The following OAS1 variants were observed in gnomAD, a reference collection of about 807,000 sequenced individuals.
OAS1 encodes the protein 2'-5'-oligoadenylate synthetase 1, also known as 2'-5'-oligoadenylate synthase 1.
A neutral mutation model predicts 38.5 loss-of-function variants in OAS1; 24 were observed. That is an observed-to-expected ratio of 0.62 (90% CI 0.45 to 0.88). The LOEUF (loss-of-function observed/expected upper bound fraction) is 0.88. OAS1 is among the 40% of genes least tolerant of loss of function. OAS1 has a pLI of 0.00. For missense variants in OAS1, 482 were observed against 493.9 expected, an observed-to-expected ratio of 0.98 and a Z score of 0.23; for synonymous variants, 169 against 193.9, an observed-to-expected ratio of 0.87 and a Z score of 1.07.
intron 2 of OAS1, among the ~76,000 whole-genome samples, chr12:112,909,745 T>C (rs1211948110): frequency 6.6e-6 from 1 of 152,182 alleles, no homozygotes; most frequent in Non-Finnish European, 1.5e-5. Flanking sequence ...CACAGTGAAC[T>C]CACAGAGGGA....
intron 6 of OAS1, among the ~76,000 whole-genome samples, chr12:112,931,567 A>G (rs1164911427): frequency 6.6e-6 from 1 of 152,258 alleles, no homozygotes; most frequent in Non-Finnish European, 1.5e-5. Flanking sequence ...ATGATGAGGA[A>G]ACAGGCTCAG....
rs764229847 is a variant in OAS1, at chr12:112,910,918, C to T, written c.470-133C>T. 31 of 782,874 alleles carry T rather than the reference C, an allele frequency of 4.0e-5. 1 individual carries two copies. The Admixed American group carries it at 5.8e-4, about 15-fold the overall frequency. The allele number at this position is 782,874 out of a possible 1,614,324, so 48.5% of individuals were successfully genotyped here. A position where few individuals can be genotyped will look rare whatever the true frequency, so the allele number is the denominator to read the frequency against. ...GCAGGAGGGAGGATCAGGAATGGAC[C>T]TCAAGACTTCCCAGCCCTGGGTCTG... On this transcript the variant is annotated intron_variant, in intron 2 of 5. Transcript: ENST00000202917.
In OAS1 at chr12:112,916,936, A is replaced by T. The variant is rs561774048; in HGVS notation, c.884+198A>T. 5 of 564,928 alleles carry T rather than the reference A, an allele frequency of 8.9e-6. No homozygotes were observed. The South Asian group carries it at 1.0e-4, about 12-fold the overall frequency. The allele number at this position is 564,928 out of a possible 1,614,324, so 35.0% of individuals were successfully genotyped here. A position where few individuals can be genotyped will look rare whatever the true frequency, so the allele number is the denominator to read the frequency against. The stretch of plus-strand genomic sequence containing the variant: ...AACCCTGTGAGGCAGGCACTATGCC[A>T]ATTATTTTACAGGTGAGTAAACTGA... On this transcript the variant is annotated intron_variant, in intron 4 of 5. Coordinates refer to ENST00000202917, the MANE Select transcript of OAS1 (RefSeq NM_016816.4).
rs781743945 is a variant in OAS1 at position 112,916,696 on chromosome 12, C to T, written c.842C>T (p.Pro281Leu). Reference sequence around the variant, plus strand: ...ACAAAGTATTATGACTTTAAAAACCCCATTATTGAAAAGTACCTGAGAAGG... The same window carrying T: ...ACAAAGTATTATGACTTTAAAAACCTCATTATTGAAAAGTACCTGAGAAGG... ...YWTKYYDFKN[P>L]IIEKYLRRQL... Residue 281 changes from proline (P) to leucine (L), a missense_variant, in exon 4 of 6, where the codon CCC (proline) becomes CTC (leucine). Transcript: ENST00000202917. The T allele has an allele frequency of 2.5e-6, 4 of 1,613,966 alleles. No homozygotes were observed. Among genetic ancestry groups the T allele is most frequent in the African/African-American group, 2.7e-5 (2 of 74,870 alleles).
In OAS1 at chr12:112,917,730, C is replaced by T. The variant is rs199895354; in HGVS notation, c.1038+30C>T. The stretch of plus-strand genomic sequence containing the variant: ...GACCTCCTGCTTCCTCCCTGCCATT[C>T]ATCCCTGCCCCTCTCCATGAAGCTT... On this transcript the variant is annotated intron_variant, in intron 5 of 5. Transcript: ENST00000202917. 1.9e-6 allele frequency: 3 copies of T among 1,614,204 alleles called. No homozygotes were observed. In the East Asian group the frequency reaches 6.7e-5, roughly 36 times the overall value.
chr12:112,926,756 G>A (rs2043560914), intron 6 of OAS1, among the ~76,000 whole-genome samples: 1 of 152,176 alleles, frequency 6.6e-6, no homozygotes, highest in African/African-American at 2.4e-5. Context: ...CAGAGAACCA[G>A]TCTGACTAGA....
At position 112,919,868 on chromosome 12, in the gene OAS1, G is replaced by A; in HGVS notation, c.*315G>A. 1 of 809,002 alleles carries A rather than the reference G, an allele frequency of 1.2e-6. No individual in the cohort carries two copies. The highest frequency in any genetic ancestry group is 1.9e-6 in the Non-Finnish European group (1 of 534,956). 50.1% of individuals were successfully genotyped at this position (809,002 alleles called of 1,614,324 possible). ...ACCTGATGGGAGGGTAATGTCTAATGTATTATCAATAACAATAAAAATAAA... is the reference window on the plus strand; with the variant it reads ...ACCTGATGGGAGGGTAATGTCTAATATATTATCAATAACAATAAAAATAAA... On this transcript the variant is annotated 3_prime_UTR_variant, in exon 6 of 6. Transcript: ENST00000202917.
Position 112,907,221 on chromosome 12 carries a change from T to C in OAS1, c.180+2T>C, listed in dbSNP as rs1275991667. 14 of 1,613,560 alleles carry C rather than the reference T, an allele frequency of 8.7e-6. No homozygotes were observed. Among genetic ancestry groups the C allele is most frequent in the Non-Finnish European group, 1.2e-5 (14 of 1,179,834 alleles). The stretch of plus-strand genomic sequence containing the variant: ...GTGTGTGTGTCCAAGGTGGTAAAGG[T>C]GAGTCCAGGCCTGCCTGGCCAGGGG... On this transcript the variant is annotated splice_donor_variant, in intron 1 of 5. Coordinates refer to ENST00000202917, the MANE Select transcript of OAS1 (RefSeq NM_016816.4). LOFTEE classifies it high-confidence loss of function.
At position 112,919,830 on chromosome 12, in the gene OAS1, C is replaced by A; in HGVS notation, c.*277C>A. The A allele has an allele frequency of 4.1e-6, 5 of 1,219,642 alleles. No individual in the cohort carries two copies. The highest frequency in any genetic ancestry group is 5.5e-6 in the Non-Finnish European group (5 of 901,564). 75.6% of individuals were successfully genotyped at this position (1,219,642 alleles called of 1,614,324 possible). ...TAAGAGAATGAAATTCCAGCCTTGA[C>A]TTTCTTCTGTGCACCTGATGGGAGG... On this transcript the variant is annotated 3_prime_UTR_variant, in exon 6 of 6. Transcript: ENST00000202917.
rs1464760136 is a variant in OAS1, at chr12:112,906,994, C to A, written c.-46C>A. On this transcript the variant is annotated 5_prime_UTR_variant, in exon 1 of 6. Coordinates refer to ENST00000202917, the MANE Select transcript of OAS1 (RefSeq NM_016816.4). ...GCTCAGTCAGCAGAAGAGATAAAAG[C>A]AAACAGGTCTGGGAGGCAGTTCTGT... 2 of 1,602,046 alleles carry A rather than the reference C, an allele frequency of 1.2e-6. No homozygotes were observed. The highest frequency in any genetic ancestry group is 8.5e-7 in the Non-Finnish European group (1 of 1,169,968).
At chr12:112,926,456 A>G (rs1485331535) in intron 6 of OAS1, among the ~76,000 whole-genome samples, 2 of 152,184 alleles carry the variant, frequency 1.3e-5, no homozygotes, top group African/African-American at 2.4e-5. Context: ...AGTACAAAAG[A>G]GATAAATTTT....
Position 112,916,958 on chromosome 12 carries a change from C to G in OAS1, c.884+220C>G, listed in dbSNP as rs889153214. The G allele has an allele frequency of 3.6e-5, 19 of 534,218 alleles. No homozygotes were observed. In the South Asian group the frequency reaches 4.2e-4, roughly 12 times the overall value. 33.1% of individuals were successfully genotyped at this position (534,218 alleles called of 1,614,324 possible). On this transcript the variant is annotated intron_variant, in intron 4 of 5. Transcript: ENST00000202917. ...GCCAATTATTTTACAGGTGAGTAAACTGAGGTTCTGAGAGGTAAGGAGCTT... is the reference window on the plus strand; with the variant it reads ...GCCAATTATTTTACAGGTGAGTAAAGTGAGGTTCTGAGAGGTAAGGAGCTT...
At chr12:112,909,749 A>G (rs899037077) in intron 2 of OAS1, among the ~76,000 whole-genome samples, 4 of 152,246 alleles carry the variant, frequency 2.6e-5, no homozygotes, top group African/African-American at 9.6e-5. Context: ...GTGAACTCAC[A>G]GAGGGACACG....
downstream of OAS1, among the ~76,000 whole-genome samples, chr12:112,920,818 C>A (rs565235960): frequency 1.3e-5 from 2 of 152,200 alleles, no homozygotes; most frequent in South Asian, 2.1e-4. Flanking sequence ...TTAGTCCCCC[C>A]ACATCCCTGT....
intron 6 of OAS1, among the ~76,000 whole-genome samples, chr12:112,929,256 C>T (rs1421264203): frequency 6.6e-6 from 1 of 152,186 alleles, no homozygotes; most frequent in Non-Finnish European, 1.5e-5. Flanking sequence ...CTCTGTGTCT[C>T]CCAGCTAGAT....
In OAS1 at chr12:112,908,677, G is replaced by T. The variant is rs779778631; in HGVS notation, c.322G>T (p.Ala108Ser). Residue 108 changes from alanine (A) to serine (S), a missense_variant, in exon 2 of 6, where the codon GCC becomes TCC. Coordinates refer to ENST00000202917, the MANE Select transcript of OAS1 (RefSeq NM_016816.4). ...FIQEIRRQLE[A>S]CQRERAFSVK... Reference sequence around the variant, plus strand: ...CCAGGAAATTAGGAGACAGCTGGAAGCCTGTCAAAGAGAGAGAGCATTTTC... The same window carrying T: ...CCAGGAAATTAGGAGACAGCTGGAATCCTGTCAAAGAGAGAGAGCATTTTC... 5.0e-6 allele frequency: 8 copies of T among 1,614,230 alleles called. No homozygotes were observed. The South Asian group carries it at 7.7e-5, about 16-fold the overall frequency.
At chr12:112,930,416 G>A (rs1314316159) in intron 6 of OAS1, among the ~76,000 whole-genome samples, 3 of 152,370 alleles carry the variant, frequency 2.0e-5, no homozygotes, top group African/African-American at 7.2e-5. Flanking sequence ...GGACAGATGT[G>A]GGATTTGAAC....
At chr12:112,911,320 A>C in intron 3 of OAS1, 85 bp downstream of exon 3, 1 of 1,058,150 alleles carries the variant, frequency 9.5e-7, no homozygotes, top group Non-Finnish European at 1.3e-6. Flanking sequence ...GAAGGGAGTG[A>C]AGGGAAGAGG....
At chr12:112,914,008 C>A (rs1410023057) in intron 3 of OAS1, among the ~76,000 whole-genome samples, 1 of 151,924 alleles carries the variant, frequency 6.6e-6, no homozygotes. Context: ...TGAATAAGTT[C>A]TTTAGTGGTG....
Sources: allele counts gnomAD v4.1 joint callset (sites outside exome capture counted in the v4.1 genomes callset), GRCh38; gene constraint gnomAD v4.1.1; transcripts MANE v1.5; gene names NCBI Gene and HGNC (gene_info 2026-07-23, HGNC 2026-07-21).